LRRC56: variants seen among roughly 807,000 people sequenced by gnomAD.
LRRC56 encodes the protein leucine rich repeat containing 56, also known as leucine-rich repeat-containing protein 56.
Under a neutral mutation model 47.8 loss-of-function variants are expected in LRRC56, and 41 were observed. The observed-to-expected ratio is 0.86, with a 90% CI of 0.67 to 1.11. The LOEUF (loss-of-function observed/expected upper bound fraction) is 1.11, where lower values mean the gene tolerates loss of function less well. LRRC56 is among the 50% of genes most tolerant of loss of function. The pLI is 0.00. For missense variants in LRRC56, 759 were observed against 704.2 expected (o/e 1.08, Z -0.88); for synonymous variants, 387 against 311.2 (o/e 1.24, Z -2.56).
At position 551,636 on chromosome 11, in the gene LRRC56, C is replaced by G. The variant is rs776509594; in HGVS notation, c.797-15C>G. ...GGCTGGGCCTTGGTGACCTCTGCTT[C>G]TGAACCTCGGGCAGACTGTCCCCGT... On this transcript the variant is annotated splice_polypyrimidine_tract_variant and intron_variant, in intron 9 of 13. Coordinates refer to ENST00000270115, the MANE Select transcript of LRRC56 (RefSeq NM_198075.4). The G allele has an allele frequency of 1.3e-6, 2 of 1,541,352 alleles. No individual in the cohort carries two copies. Among genetic ancestry groups the G allele is most frequent in the East Asian group, 2.3e-5 (1 of 44,188 alleles).
At position 541,713 on chromosome 11, in the gene LRRC56, G is replaced by C; in HGVS notation, c.265+89G>C. On this transcript the variant is annotated intron_variant, in intron 5 of 13. Coordinates refer to ENST00000270115, the MANE Select transcript of LRRC56 (RefSeq NM_198075.4). The surrounding 1 kb of genome is among the most constrained non-coding windows in gnomAD (Gnocchi z 4.1). ...GTTTCCTGGTTATGACGACAAAGCT[G>C]TCCTCACCTCTCGGGCCGCGTATCG... 1.2e-6 allele frequency: 1 copy of C among 834,870 alleles called. No homozygotes were observed. Among genetic ancestry groups the C allele is most frequent in the Non-Finnish European group, 1.8e-6 (1 of 542,840 alleles). The allele number at this position is 834,870 out of a possible 1,614,324, so 51.7% of individuals were successfully genotyped here. A position where few individuals can be genotyped will look rare whatever the true frequency, so the allele number is the denominator to read the frequency against.
At chr11:537,631 TG>T (rs2134010877) in intron 1 of LRRC56, 26 bp downstream of exon 1, 1 of 152,088 alleles carries the variant, frequency 6.6e-6, no homozygotes, top group East Asian at 1.9e-4. Flanking sequence ...ACCCTTGGGG[TG>T]GGAGCCGCAA....
At chr11:536,130 C>G (rs1314049668), upstream of LRRC56, among the ~76,000 whole-genome samples, 2 of 152,238 alleles carry the variant, frequency 1.3e-5, no homozygotes, top group Non-Finnish European at 2.9e-5. Context: ...CTACTCCCAC[C>G]GCAACCCACC....
the LRRC56 span, among the ~76,000 whole-genome samples, chr11:522,662 G>C: frequency 6.6e-6 from 1 of 152,206 alleles, no homozygotes; most frequent in African/African-American, 2.4e-5. Context: ...GCCTCCCAAA[G>C]TGCTGGGATT....
intron 1 of LRRC56, among the ~76,000 whole-genome samples, chr11:537,923 G>A (rs1271100548): frequency 1.3e-5 from 2 of 152,322 alleles, no homozygotes; most frequent in African/African-American, 4.8e-5. Flanking sequence ...TCTGCCTTCC[G>A]AGCCCCCATG....
chr11:524,050 C>T, the LRRC56 span, among the ~76,000 whole-genome samples: 3 of 152,078 alleles, frequency 2.0e-5, no homozygotes, highest in East Asian at 1.9e-4. Context: ...ATACAGGTAT[C>T]GGTTCTCGGT....
rs1424573169 is a variant in LRRC56, at chr11:551,321, G to A, written c.796+19G>A. On this transcript the variant is annotated intron_variant, in intron 9 of 13. Transcript: ENST00000270115. ...CCGCTGGGTACGGCAGCTGCGCCCG[G>A]AGGACCCACTGCTGAGCCCCAGCTC... The A allele has an allele frequency of 1.7e-5, 25 of 1,487,634 alleles. No homozygotes were observed. Among genetic ancestry groups the A allele is most frequent in the Admixed American group, 8.7e-5 (4 of 46,198 alleles). The allele number at this position is 1,487,634 out of a possible 1,614,324, so 92.2% of individuals were successfully genotyped here.
chr11:527,732 CT>C, the LRRC56 span, among the ~76,000 whole-genome samples: 1 of 142,078 alleles, frequency 7.0e-6, no homozygotes, highest in Admixed American at 7.1e-5. Context: ...CAGAGTTTCG[CT>C]CTTGTTGCCC....
At chr11:518,021 A>T in the LRRC56 span, among the ~76,000 whole-genome samples, 1 of 152,294 alleles carries the variant, frequency 6.6e-6, no homozygotes, top group African/African-American at 2.4e-5. Context: ...CCAGGGACAC[A>T]AACACTGCGG....
intron 6 of LRRC56, among the ~76,000 whole-genome samples, chr11:549,178 G>A (rs1399224341): frequency 7.2e-5 from 11 of 152,310 alleles, no homozygotes; most frequent in African/African-American, 2.2e-4. Flanking sequence ...GAAGATTTCC[G>A]AAGAAATCAC....
At position 551,967 on chromosome 11, in the gene LRRC56, G is replaced by A. The variant is rs1343744132; in HGVS notation, c.1038G>A (p.Gln346=). ...TGCGGGAGCGTAGGCACCAGTGCCA[G>A]GTACAGCCCACAGGGACCAGCCCCC... The part of the protein sequence containing the change: ...KGLRERRHQC[Q]AREPPEQLPQ... The change falls in exon 11 of 14, where the codon CAG becomes CAA. Residue 346 remains glutamine, a splice_region_variant and synonymous_variant. Coordinates refer to ENST00000270115, the MANE Select transcript of LRRC56 (RefSeq NM_198075.4). 6.2e-7 allele frequency: 1 copy of A among 1,612,536 alleles called. No individual in the cohort carries two copies. The highest frequency in any genetic ancestry group is 1.3e-5 in the African/African-American group (1 of 74,930).
upstream of LRRC56, chr11:533,751 C>T (rs1190177243): frequency 1.9e-6 from 3 of 1,613,106 alleles, no homozygotes; most frequent in East Asian, 6.7e-5. Context: ...CCCGGGCCAG[C>T]CTCACGGGGT....
the LRRC56 span, among the ~76,000 whole-genome samples, chr11:511,457 C>T: frequency 2.6e-4 from 39 of 152,260 alleles, no homozygotes; most frequent in East Asian, 4.0e-3. Context: ...CAATGACCAG[C>T]TGAATTTTGG....
rs1852436136 is a variant in LRRC56, at chr11:552,208, G to C, written c.1157G>C (p.Arg386Thr). The change falls in exon 12 of 14, where the codon AGG (arginine) becomes ACG (threonine). Residue 386 changes from arginine (R) to threonine (T), a missense_variant. Arg to Thr is a moderately conservative substitution (Grantham distance 71). Transcript: ENST00000270115. ...GACTTCCTGGCCTTGGCTGGGCTCA[G>C]GGCCTGGAGGGAACATGGCGTGCGG... The part of the protein sequence containing the change: ...SSDFLALAGL[R>T]AWREHGVRPL... 1 of 1,612,002 alleles carries C rather than the reference G, an allele frequency of 6.2e-7. No individual in the cohort carries two copies.
the LRRC56 span, among the ~76,000 whole-genome samples, chr11:531,302 C>T: frequency 6.6e-6 from 1 of 152,154 alleles, no homozygotes; most frequent in South Asian, 2.1e-4. Context: ...GGATAGGGAA[C>T]CCTGACAGGG....
At chr11:534,940 C>T (rs1452517679), upstream of LRRC56, among the ~76,000 whole-genome samples, 1 of 152,244 alleles carries the variant, frequency 6.6e-6, no homozygotes, top group Non-Finnish European at 1.5e-5. Flanking sequence ...GACAGAGGAG[C>T]TCCTGGGAAG....
At chr11:512,340 T>C in the LRRC56 span, among the ~76,000 whole-genome samples, 1 of 152,098 alleles carries the variant, frequency 6.6e-6, no homozygotes, top group Admixed American at 6.6e-5. Context: ...GTTCAAGCAG[T>C]TCTCCGCCTC....
upstream of LRRC56, chr11:534,692 C>T (rs1851347101): frequency 1.5e-5 from 5 of 335,738 alleles, no homozygotes; most frequent in South Asian, 1.7e-4. Context: ...TAAAGGGAGG[C>T]GCCCGAGGGC....
the LRRC56 span, among the ~76,000 whole-genome samples, chr11:518,777 C>T: frequency 2.6e-5 from 4 of 152,116 alleles, no homozygotes; most frequent in Non-Finnish European, 5.9e-5. Flanking sequence ...GACGGGGCCG[C>T]CGGAGAGGAC....
Sources: gnomAD v4.1 joint callset for allele counts (sites outside exome capture counted in the v4.1 genomes callset) on GRCh38, gnomAD v4.1.1 for gene constraint, Gnocchi (gnomAD v3.1) non-coding constraint, MANE v1.5 for transcripts, NCBI Gene and HGNC (gene_info 2026-07-23, HGNC 2026-07-21) for gene names.